The following TSHZ2 variants were observed in gnomAD, a reference collection of about 807,000 sequenced individuals.
TSHZ2 encodes the protein teashirt zinc finger homeobox 2, also known as teashirt homolog 2.
In TSHZ2, 21 loss-of-function variants were observed where a neutral mutation model predicts 74.4. The observed-to-expected ratio is 0.28, with a 90% CI of 0.20 to 0.41. TSHZ2 has a LOEUF of 0.41. TSHZ2 is among the 10% of genes least tolerant of loss of function. The pLI is 1.00. For synonymous variants in TSHZ2, 540 were observed against 515.3 expected (o/e 1.05, Z -0.65); for missense variants, 1,244 against 1,293.5 (o/e 0.96, Z 0.59).
intron 2 of TSHZ2, among the ~76,000 whole-genome samples, chr20:53,466,351 C>T (rs1413943353): frequency 6.6e-6 from 1 of 151,936 alleles, no homozygotes; most frequent in African/African-American, 2.4e-5. Context: ...TTATTAAATG[C>T]CAGCAACTCA....
intron 2 of TSHZ2, among the ~76,000 whole-genome samples, chr20:53,387,738 G>A (rs1357783974): frequency 6.6e-6 from 1 of 152,138 alleles, no homozygotes; most frequent in Non-Finnish European, 1.5e-5. Context: ...AAGAATGGGA[G>A]TGAAAATGAT....
At chr20:53,080,292 C>A (rs1344920336) in intron 1 of TSHZ2, among the ~76,000 whole-genome samples, 1 of 152,184 alleles carries the variant, frequency 6.6e-6, no homozygotes, top group Non-Finnish European at 1.5e-5. Context: ...CTGCTTCTTA[C>A]AGAGTAGTTT....
chr20:53,278,983 T>G (rs1381837955), intron 2 of TSHZ2, among the ~76,000 whole-genome samples: 2 of 152,252 alleles, frequency 1.3e-5, no homozygotes, highest in Non-Finnish European at 2.9e-5. Context: ...TTAACACATA[T>G]TTTGTATGTT....
intron 1 of TSHZ2, among the ~76,000 whole-genome samples, chr20:53,063,921 G>A (rs188926698): frequency 6.0e-4 from 91 of 152,238 alleles, no homozygotes; most frequent in Non-Finnish European, 1.1e-3. Flanking sequence ...GAACTCGGTG[G>A]GAAATTGACA....
intron 1 of TSHZ2, among the ~76,000 whole-genome samples, chr20:53,080,533 AGATG>A (rs2123227777): frequency 6.6e-6 from 1 of 152,212 alleles, no homozygotes; most frequent in East Asian, 1.9e-4. Flanking sequence ...AAGGTAGGGG[AGATG>A]GATGGTTTCA....
intron 1 of TSHZ2, among the ~76,000 whole-genome samples, chr20:53,155,095 T>G (rs1987765422): frequency 7.2e-6 from 1 of 139,374 alleles, no homozygotes; most frequent in Non-Finnish European, 1.5e-5. Context: ...AGGAACTACA[T>G]AAAGGTTAAT....
At chr20:53,438,435 G>A (rs1168736946) in intron 2 of TSHZ2, among the ~76,000 whole-genome samples, 2 of 152,076 alleles carry the variant, frequency 1.3e-5, no homozygotes, top group African/African-American at 2.4e-5. Context: ...GAAACCTCCA[G>A]CAGCCCCAAG....
In TSHZ2 at chr20:53,442,781, A is replaced by G. The variant is rs557749430; in HGVS notation, c.*9-44363A>G. Among the ~76,000 whole-genome samples, 15 of 152,344 alleles carry G rather than the reference A, an allele frequency of 9.8e-5. No homozygotes were observed. In the East Asian group the frequency reaches 2.7e-3, roughly 27 times the overall value. On this transcript the variant is annotated intron_variant, in intron 2 of 2. Coordinates refer to ENST00000371497, the MANE Select transcript of TSHZ2 (RefSeq NM_173485.6). ...AAAGCGTTAGCAAACTTGCCTTAAC[A>G]ACATTGTCAAATATGTATTCCCCCG...
At chr20:53,226,030 A>G (rs150056318) in intron 1 of TSHZ2, among the ~76,000 whole-genome samples, 48 of 152,282 alleles carry the variant, frequency 3.2e-4, no homozygotes, top group African/African-American at 1.1e-3. Context: ...ATAAATATAC[A>G]TGTATATGAT....
chr20:53,192,676 G>T (rs1988766848), intron 1 of TSHZ2, among the ~76,000 whole-genome samples: 1 of 152,114 alleles, frequency 6.6e-6, no homozygotes, highest in Non-Finnish European at 1.5e-5. Flanking sequence ...TCTCCTGACA[G>T]AAGATGAGAG....
chr20:53,204,744 T>G (rs1043328538), intron 1 of TSHZ2, among the ~76,000 whole-genome samples: 1 of 152,142 alleles, frequency 6.6e-6, no homozygotes, highest in Non-Finnish European at 1.5e-5. Flanking sequence ...ATAATCTTAC[T>G]ATGGTCCCCA....
At chr20:52,998,701 G>A (rs1353336044) in intron 1 of TSHZ2, among the ~76,000 whole-genome samples, 2 of 152,174 alleles carry the variant, frequency 1.3e-5, no homozygotes, top group African/African-American at 2.4e-5. Flanking sequence ...ACAGTTCCAT[G>A]AGGGCAGGAA....
At chr20:53,455,131 T>A (rs1249766547) in intron 2 of TSHZ2, 1 of 152,234 alleles carries the variant, frequency 6.6e-6, no homozygotes, top group Non-Finnish European at 1.5e-5. Flanking sequence ...ACTTGTTGTC[T>A]CAGTGGTTGG....
At chr20:53,217,904 T>C (rs542576779) in intron 1 of TSHZ2, among the ~76,000 whole-genome samples, 2 of 152,360 alleles carry the variant, frequency 1.3e-5, no homozygotes, top group African/African-American at 4.8e-5. Flanking sequence ...AAGGAAGTTA[T>C]GCAAATCTAA....
chr20:53,434,321 C>G (rs1328353576), intron 2 of TSHZ2, among the ~76,000 whole-genome samples: 1 of 152,122 alleles, frequency 6.6e-6, no homozygotes, highest in African/African-American at 2.4e-5. Flanking sequence ...TATCATCATT[C>G]AAATTTAAGG....
At chr20:53,269,966 T>C (rs1389750083) in intron 2 of TSHZ2, among the ~76,000 whole-genome samples, 1 of 152,182 alleles carries the variant, frequency 6.6e-6, no homozygotes, top group African/African-American at 2.4e-5. Context: ...TCTCATATCA[T>C]CTCTGAGAGG....
intron 1 of TSHZ2, among the ~76,000 whole-genome samples, chr20:52,992,497 C>G (rs1186224117): frequency 6.6e-6 from 1 of 152,150 alleles, no homozygotes; most frequent in Non-Finnish European, 1.5e-5. Flanking sequence ...CCCATAGGAG[C>G]CCCTTGTCTC....
chr20:53,308,033 A>G (rs1207251444), intron 2 of TSHZ2, among the ~76,000 whole-genome samples: 1 of 152,204 alleles, frequency 6.6e-6, no homozygotes, highest in Non-Finnish European at 1.5e-5. Flanking sequence ...CGCTGTGTTT[A>G]TTTGCACATA....
intron 2 of TSHZ2, among the ~76,000 whole-genome samples, chr20:53,478,540 A>C (rs1404686780): frequency 1.4e-5 from 2 of 147,918 alleles, no homozygotes; most frequent in Non-Finnish European, 3.0e-5. Context: ...GAGGGATAGC[A>C]TTGGGAGATA....
Sources: allele counts gnomAD v4.1 joint callset (sites outside exome capture counted in the v4.1 genomes callset), GRCh38; gene constraint gnomAD v4.1.1; transcripts MANE v1.5; gene names NCBI Gene and HGNC (gene_info 2026-07-23, HGNC 2026-07-21).